The following VAV3 variants were observed in gnomAD, a reference collection of about 807,000 sequenced individuals.
The protein encoded by VAV3 is guanine nucleotide exchange factor VAV3.
Under a neutral mutation model 131.2 loss-of-function variants are expected in VAV3, and 94 were observed. That is an observed-to-expected ratio of 0.72 (90% CI 0.61 to 0.85). VAV3 has a LOEUF of 0.85. VAV3 is among the 40% of genes least tolerant of loss of function. The probability of loss-of-function intolerance (pLI) is 0.00; values close to 1 mark genes in which losing one functional copy is unlikely to be tolerated. For missense variants in VAV3, 939 were observed against 1,002.7 expected (o/e 0.94, Z 0.86); for synonymous variants, 349 against 342.0 (o/e 1.02, Z -0.22).
intron 15 of VAV3, among the ~76,000 whole-genome samples, chr1:107,732,797 A>G (rs964381021): frequency 2.0e-5 from 3 of 152,198 alleles, no homozygotes; most frequent in Non-Finnish European, 4.4e-5. Context: ...ATAGCTGAAT[A>G]AAAGGCAGCA....
rs1414095848 is a variant in VAV3 at position 107,857,580 on chromosome 1, CTT to C, written c.321+17319_321+17320del. On this transcript the variant is annotated intron_variant, in intron 2 of 26. Coordinates refer to ENST00000370056, the MANE Select transcript of VAV3 (RefSeq NM_006113.5). ...CATGGAAAAAAATTCCATTTCAACT[CTT>C]TTCAATTTCTGTTTCACTGCCGTAG... Among the ~76,000 whole-genome samples, 5 of 152,222 alleles carry C rather than the reference CTT, an allele frequency of 3.3e-5. No homozygotes were observed. In the East Asian group the frequency reaches 9.6e-4, roughly 29 times the overall value.
intron 13 of VAV3, 61 bp downstream of exon 13, chr1:107,751,056 G>C (rs1427282207): frequency 1.3e-6 from 2 of 1,505,658 alleles, no homozygotes; most frequent in Non-Finnish European, 1.8e-6. Flanking sequence ...TTGTCTTTAA[G>C]GTTTTCTCAG....
intron 25 of VAV3, among the ~76,000 whole-genome samples, chr1:107,584,975 T>C (rs1343132595): frequency 1.3e-5 from 2 of 152,114 alleles, no homozygotes; most frequent in African/African-American, 4.8e-5. Flanking sequence ...ATATAATGAA[T>C]AGGTACAGCC....
rs1178478034 is a variant in VAV3, at chr1:107,603,051, T to C, written c.2128A>G (p.Ile710Val). Residue 710 changes from isoleucine to valine, a missense_variant, in exon 23 of 27, where the codon ATT (isoleucine) becomes GTT (valine). By Grantham distance (29) the Ile-to-Val change is conservative. Transcript: ENST00000370056. ...AAAAGTACTTGTCCTACTTACTTAA[T>C]GCTAATTGCATATTCTCCTGACTCT... ...TKESGEYAIS[I>V]KYNNEAKHIK... The C allele has an allele frequency of 2.5e-6, 4 of 1,609,356 alleles. No individual in the cohort carries two copies. The highest frequency in any genetic ancestry group is 2.2e-5 in the South Asian group (2 of 90,824).
chr1:107,662,974 G>A (rs1355545454), intron 19 of VAV3, among the ~76,000 whole-genome samples: 1 of 152,178 alleles, frequency 6.6e-6, no homozygotes, highest in Admixed American at 6.5e-5. Context: ...TTGTCCTCCT[G>A]AAGCTTCCCT....
At chr1:107,607,111 C>T (rs889512649) in intron 22 of VAV3, among the ~76,000 whole-genome samples, 17 of 150,234 alleles carry the variant, frequency 1.1e-4, no homozygotes, top group African/African-American at 2.4e-4. Context: ...CCCACAACCA[C>T]GCCCAGCTAA....
intron 1 of VAV3, among the ~76,000 whole-genome samples, chr1:107,900,433 C>T (rs530519628): frequency 1.2e-4 from 19 of 152,312 alleles, no homozygotes; most frequent in African/African-American, 1.7e-4. Context: ...AGGCCTTCAA[C>T]TCTTAACAGG....
chr1:107,688,855 C>A (rs1412828770), intron 17 of VAV3, among the ~76,000 whole-genome samples: 1 of 152,008 alleles, frequency 6.6e-6, no homozygotes, highest in Non-Finnish European at 1.5e-5. Flanking sequence ...TACAACATTT[C>A]GTGTGAATTG....
intron 15 of VAV3, among the ~76,000 whole-genome samples, chr1:107,716,290 A>G (rs1661084409): frequency 6.6e-6 from 1 of 152,214 alleles, no homozygotes; most frequent in Admixed American, 6.5e-5. Flanking sequence ...TATTCACTAT[A>G]AACATTATTG....
intron 1 of VAV3, among the ~76,000 whole-genome samples, chr1:107,882,939 G>T (rs1670853462): frequency 6.6e-6 from 1 of 152,088 alleles, no homozygotes; most frequent in African/African-American, 2.4e-5. Context: ...CATGCAGAGA[G>T]GACATAAATG....
intron 19 of VAV3, among the ~76,000 whole-genome samples, chr1:107,682,945 C>T (rs1658752702): frequency 6.6e-6 from 1 of 152,176 alleles, no homozygotes; most frequent in Non-Finnish European, 1.5e-5. Context: ...GGGCAAATCT[C>T]ACAATGCTAA....
chr1:107,781,853 T>C (rs1213655553), intron 2 of VAV3, among the ~76,000 whole-genome samples: 1 of 152,202 alleles, frequency 6.6e-6, no homozygotes, highest in African/African-American at 2.4e-5. Flanking sequence ...TCAGTGAGTT[T>C]GTAAACTCAG....
Position 107,588,491 on chromosome 1 carries a change from A to G in VAV3, c.2350+7721T>C, listed in dbSNP as rs995005449. ...AAGTGGTAGCAGGAGCAGCAGTAGT[A>G]ATAGCAGGAGCAAAACACATAGCAC... On this transcript the variant is annotated intron_variant, in intron 25 of 26. Coordinates refer to ENST00000370056, the MANE Select transcript of VAV3 (RefSeq NM_006113.5). 7.2e-5 allele frequency among the ~76,000 whole-genome samples: 11 copies of G among 152,300 alleles called. No homozygotes were observed. In the South Asian group the frequency reaches 1.9e-3, roughly 26 times the overall value.
rs970839815 is a variant in VAV3, at chr1:107,635,509, C to T, written c.1914+7110G>A. 2.0e-4 allele frequency among the ~76,000 whole-genome samples: 31 copies of T among 151,818 alleles called. 1 individual carries two copies. The highest frequency in any genetic ancestry group is 4.0e-4 in the Non-Finnish European group (27 of 67,918). On this transcript the variant is annotated intron_variant, in intron 20 of 26. Coordinates refer to ENST00000370056, the MANE Select transcript of VAV3 (RefSeq NM_006113.5). ...GGGGGAGGGATAGCATTAGGAAATA[C>T]ACCTAATGTTAAATGAGAAGTTAAT...
chr1:107,689,782 G>T (rs1659297637), intron 17 of VAV3, among the ~76,000 whole-genome samples: 1 of 152,198 alleles, frequency 6.6e-6, no homozygotes, highest in Admixed American at 6.5e-5. Context: ...CGTTTCAGAA[G>T]AAAGATCGCC....
At chr1:107,858,002 G>A (rs1669549672) in intron 2 of VAV3, among the ~76,000 whole-genome samples, 1 of 152,134 alleles carries the variant, frequency 6.6e-6, no homozygotes, top group Non-Finnish European at 1.5e-5. Flanking sequence ...AACAACATAG[G>A]TAAAGAAAAT....
intron 19 of VAV3, among the ~76,000 whole-genome samples, chr1:107,657,535 C>T (rs1389532941): frequency 6.6e-6 from 1 of 152,128 alleles, no homozygotes; most frequent in Non-Finnish European, 1.5e-5. Flanking sequence ...TCCTTTTTGA[C>T]GTTTTGTCCC....
chr1:107,826,215 T>G (rs1238346560), intron 2 of VAV3, among the ~76,000 whole-genome samples: 1 of 151,986 alleles, frequency 6.6e-6, no homozygotes, highest in Non-Finnish European at 1.5e-5. Flanking sequence ...ATATTGTAAA[T>G]CCCTATCTAC....
intron 21 of VAV3, among the ~76,000 whole-genome samples, chr1:107,612,387 G>C (rs1158170605): frequency 6.6e-6 from 1 of 151,966 alleles, no homozygotes; most frequent in African/African-American, 2.4e-5. Flanking sequence ...TATTGTTTCA[G>C]ATATTAATTC....
Sources: allele counts gnomAD v4.1 joint callset (sites outside exome capture counted in the v4.1 genomes callset), GRCh38; gene constraint gnomAD v4.1.1; transcripts MANE v1.5; gene names NCBI Gene and HGNC (gene_info 2026-07-23, HGNC 2026-07-21).